RBFOX3: variants seen among roughly 807,000 people sequenced by gnomAD.
RBFOX3 encodes RNA binding fox-1 homolog 3.
A neutral mutation model predicts 48.7 loss-of-function variants in RBFOX3; 17 were observed. The observed-to-expected ratio is 0.35, with a 90% CI of 0.24 to 0.52. RBFOX3 has a LOEUF of 0.52. Among genes scored for constraint, RBFOX3 ranks in the 20% least tolerant of loss-of-function variants. The pLI is 0.94. For missense variants in RBFOX3, 382 were observed against 497.5 expected (o/e 0.77, Z 2.21); for synonymous variants, 212 against 209.5 (o/e 1.01, Z -0.10).
chr17:79,569,271 G>A (rs993118004), intron 1 of RBFOX3, among the ~76,000 whole-genome samples: 12 of 152,000 alleles, frequency 7.9e-5, no homozygotes, highest in South Asian at 4.2e-4. Context: ...GCAACCACTC[G>A]TCTACCCTCT....
chr17:79,413,953 G>C (rs1224462710), intron 2 of RBFOX3, among the ~76,000 whole-genome samples: 1 of 152,084 alleles, frequency 6.6e-6, no homozygotes, highest in Non-Finnish European at 1.5e-5. Context: ...GGGTAGGAGA[G>C]GGGGCATGTA....
chr17:79,261,603 G>A (rs1181108444), intron 3 of RBFOX3, among the ~76,000 whole-genome samples: 2 of 152,228 alleles, frequency 1.3e-5, no homozygotes, highest in South Asian at 4.1e-4. Context: ...GCAGGTCTGG[G>A]GTGGTGGGGG....
intron 1 of RBFOX3, among the ~76,000 whole-genome samples, chr17:79,549,183 G>A (rs1425650669): frequency 6.6e-6 from 1 of 152,236 alleles, no homozygotes; most frequent in African/African-American, 2.4e-5. Context: ...CAGCCACACA[G>A]CCTCAAGATT....
intron 2 of RBFOX3, among the ~76,000 whole-genome samples, chr17:79,463,246 C>A: frequency 7.5e-6 from 1 of 133,544 alleles, no homozygotes; most frequent in African/African-American, 2.8e-5. Flanking sequence ...CTGCCATCGC[C>A]ACTGCCACCT....
intron 2 of RBFOX3, among the ~76,000 whole-genome samples, chr17:79,430,647 C>T (rs1168136679): frequency 2.6e-5 from 4 of 152,188 alleles, no homozygotes; most frequent in African/African-American, 7.2e-5. Flanking sequence ...CGGGTTCAAG[C>T]GATTCTCCTG....
chr17:79,514,545 C>T (rs2084973517), intron 1 of RBFOX3, among the ~76,000 whole-genome samples: 4 of 152,348 alleles, frequency 2.6e-5, no homozygotes, highest in South Asian at 2.1e-4. Flanking sequence ...TCCTGGATCT[C>T]GGCAACCACA....
intron 1 of RBFOX3, among the ~76,000 whole-genome samples, chr17:79,593,734 G>C (rs1396979388): frequency 6.6e-6 from 1 of 152,216 alleles, no homozygotes; most frequent in African/African-American, 2.4e-5. Context: ...AGGAGTCGGG[G>C]AGCGACGGAA....
rs183463513 is a variant in RBFOX3, at chr17:79,332,383, C to T, written c.-174-24559G>A. Among the ~76,000 whole-genome samples, 413 of 151,934 alleles carry T rather than the reference C, an allele frequency of 2.7e-3. 3 individuals are homozygous for T. Among genetic ancestry groups the T allele is most frequent in the Non-Finnish European group, 4.5e-3 (306 of 68,002 alleles). On this transcript the variant is annotated intron_variant, in intron 2 of 14. Transcript: ENST00000693108. The stretch of plus-strand genomic sequence containing the variant: ...TTTTGTGATAAATCAATAAACTGCT[C>T]GGGGTGGGAGAGGGAAAGGGATAGA...
intron 2 of RBFOX3, among the ~76,000 whole-genome samples, chr17:79,414,544 T>A (rs12185228): frequency 0.038 from 5,796 of 152,226 alleles, 155 homozygotes; most frequent in South Asian, 0.074. Context: ...CCTCTCCTGG[T>A]CTCCCTGCAC....
rs2057288317 is a variant in RBFOX3 at position 79,204,820 on chromosome 17, A to C, written c.-34+30946T>G. 6.6e-6 allele frequency among the ~76,000 whole-genome samples: 1 copy of C among 152,188 alleles called. No homozygotes were observed. The highest frequency in any genetic ancestry group is 1.9e-4 in the East Asian group (1 of 5,204). ...CCAGATAGTTGCATTTAACCATCAGAGGCAAGTTGGAATTAAATACCACCG... is the reference window on the plus strand; with the variant it reads ...CCAGATAGTTGCATTTAACCATCAGCGGCAAGTTGGAATTAAATACCACCG... On this transcript the variant is annotated intron_variant, in intron 4 of 14. Coordinates refer to ENST00000693108, the MANE Select transcript of RBFOX3 (RefSeq NM_001350451.2). The surrounding 1 kb of genome is among the most constrained non-coding windows in gnomAD (Gnocchi z 4.5).
chr17:79,164,279 G>C (rs1027878295), intron 4 of RBFOX3, among the ~76,000 whole-genome samples: 4 of 152,198 alleles, frequency 2.6e-5, no homozygotes, highest in African/African-American at 9.7e-5. Context: ...TCCAAGGTTA[G>C]GGCATAGTGG....
intron 1 of RBFOX3, among the ~76,000 whole-genome samples, chr17:79,566,814 G>A (rs1040893787): frequency 1.4e-4 from 22 of 152,226 alleles, no homozygotes; most frequent in African/African-American, 4.8e-4. Flanking sequence ...GAGGGGACAC[G>A]AGGCAGTTAC....
chr17:79,172,468 G>T (rs1444600558), intron 4 of RBFOX3, among the ~76,000 whole-genome samples: 1 of 152,158 alleles, frequency 6.6e-6, no homozygotes, highest in Non-Finnish European at 1.5e-5. Context: ...TTTCTCCCAG[G>T]CCACCCTGTC....
At chr17:79,499,232 C>T (rs1161270749) in intron 1 of RBFOX3, among the ~76,000 whole-genome samples, 1 of 151,394 alleles carries the variant, frequency 6.6e-6, no homozygotes, top group Non-Finnish European at 1.5e-5. Context: ...ATCCATTCAT[C>T]CATCCATTCA....
At position 79,199,473 on chromosome 17, in the gene RBFOX3, TGAG is replaced by T. The variant is rs1197545069; in HGVS notation, c.-34+36290_-34+36292del. ...GGGGGAAATCAGCCCAGGTGGGACTTGAGGAAGAGGAGAAGGCCAGCCATCTGG... is the reference window on the plus strand; with the variant it reads ...GGGGGAAATCAGCCCAGGTGGGACTTGAAGAGGAGAAGGCCAGCCATCTGG... On this transcript the variant is annotated intron_variant, in intron 4 of 14. Transcript: ENST00000693108. This position sits in a 1 kb window ranked among gnomAD's most constrained non-coding sequence, Gnocchi z 5.1. 4.0e-5 allele frequency among the ~76,000 whole-genome samples: 6 copies of T among 151,568 alleles called. No homozygotes were observed. The East Asian group carries it at 1.0e-3, about 25-fold the overall frequency.
chr17:79,645,561 C>A, the RBFOX3 span, among the ~76,000 whole-genome samples: 5 of 152,224 alleles, frequency 3.3e-5, no homozygotes, highest in Admixed American at 6.5e-5. Context: ...TCTCCATCCC[C>A]TGCTTCCAGC....
chr17:79,321,505 G>A (rs566578409), intron 2 of RBFOX3, among the ~76,000 whole-genome samples: 1 of 152,150 alleles, frequency 6.6e-6, no homozygotes, highest in African/African-American at 2.4e-5. Context: ...ATTTTCCCAT[G>A]GAGCGCAGGT....
chr17:79,226,798 T>G (rs2060359497), intron 4 of RBFOX3, among the ~76,000 whole-genome samples: 1 of 152,176 alleles, frequency 6.6e-6, no homozygotes, highest in Admixed American at 6.5e-5. Flanking sequence ...AAATATCACA[T>G]TAATCAAGGG....
chr17:79,407,283 C>T (rs1047709893), intron 2 of RBFOX3, among the ~76,000 whole-genome samples: 2 of 152,246 alleles, frequency 1.3e-5, no homozygotes, highest in African/African-American at 4.8e-5. Flanking sequence ...GCCGGGATTA[C>T]AGGCGTGAGC....
Sources: allele counts gnomAD v4.1 joint callset (sites outside exome capture counted in the v4.1 genomes callset), GRCh38; gene constraint gnomAD v4.1.1; non-coding constraint Gnocchi (gnomAD v3.1); transcripts MANE v1.5; gene names NCBI Gene and HGNC (gene_info 2026-07-23, HGNC 2026-07-21).